Variants in AGK observed in about 807,000 individuals in gnomAD.
AGK encodes acylglycerol kinase, also known as acylglycerol kinase, mitochondrial.
Under a neutral mutation model 66.4 loss-of-function variants are expected in AGK, and 52 were observed. The observed-to-expected ratio is 0.78, with a 90% confidence interval of 0.63 to 0.99. The LOEUF (loss-of-function observed/expected upper bound fraction) is 0.99, where lower values mean the gene tolerates loss of function less well. Ranked by LOEUF, AGK falls within the 50% of genes least tolerant of loss-of-function variation. The pLI is 0.00. For missense variants in AGK, 451 were observed against 506.6 expected (o/e 0.89, Z 1.05); for synonymous variants, 182 against 181.1 (o/e 1.00, Z -0.04).
chr7:141,576,130 A>G (rs1340750639), intron 2 of AGK, among the ~76,000 whole-genome samples: 4 of 152,178 alleles, frequency 2.6e-5, no homozygotes, highest in Non-Finnish European at 4.4e-5. Context: ...AACTAAAGAA[A>G]TTCATTCAGA....
At chr7:141,561,440 A>G (rs1268211839) in intron 2 of AGK, among the ~76,000 whole-genome samples, 1 of 151,672 alleles carries the variant, frequency 6.6e-6, no homozygotes. Flanking sequence ...GTTATTTTTT[A>G]ATTTTTTAAT....
chr7:141,634,624 G>A (rs1487389039), intron 10 of AGK, among the ~76,000 whole-genome samples: 6 of 152,192 alleles, frequency 3.9e-5, no homozygotes, highest in African/African-American at 1.4e-4. Context: ...ATTTGCTGTG[G>A]AGAGGTAAAG....
intron 4 of AGK, among the ~76,000 whole-genome samples, chr7:141,597,615 A>T (rs1375678117): frequency 6.6e-6 from 1 of 152,134 alleles, no homozygotes; most frequent in African/African-American, 2.4e-5. Context: ...TCACGCCTGT[A>T]ATCGCAGCAC....
chr7:141,608,384 C>G (rs1796508528), intron 5 of AGK, among the ~76,000 whole-genome samples: 1 of 152,064 alleles, frequency 6.6e-6, no homozygotes, highest in Non-Finnish European at 1.5e-5. Flanking sequence ...GAAGAAGTAT[C>G]ACAGTATCAC....
chr7:141,612,377 A>C (rs549765042), intron 6 of AGK, among the ~76,000 whole-genome samples: 1 of 152,202 alleles, frequency 6.6e-6, no homozygotes, highest in Non-Finnish European at 1.5e-5. Flanking sequence ...ATTCATTATG[A>C]TACTGTAAGG....
chr7:141,591,610 T>G lies in AGK; in HGVS notation c.102-1536T>G, dbSNP rs115798088. ...TGTCAAATCACCCAGAAGAGCCTGT[T>G]GCCTTTTGAATTCCTGTGAAAATGC... On this transcript the variant is annotated intron_variant, in intron 2 of 15. Transcript: ENST00000649286. 5.2e-3 allele frequency among the ~76,000 whole-genome samples: 785 copies of G among 152,342 alleles called. 9 individuals carry two copies. The highest frequency in any genetic ancestry group is 0.018 in the African/African-American group (746 of 41,580).
intron 5 of AGK, among the ~76,000 whole-genome samples, chr7:141,603,991 C>T (rs560766813): frequency 6.6e-6 from 1 of 152,126 alleles, no homozygotes; most frequent in South Asian, 2.1e-4. Context: ...CCATCTTATA[C>T]TATCAAATGT....
At chr7:141,642,730 G>A (rs983529298) in intron 13 of AGK, among the ~76,000 whole-genome samples, 3 of 152,170 alleles carry the variant, frequency 2.0e-5, no homozygotes, top group South Asian at 2.1e-4. Flanking sequence ...AGAAAAATAC[G>A]TAAAGTTCAA....
chr7:141,562,141 T>C (rs1200937929), intron 2 of AGK: 1 of 454,954 alleles, frequency 2.2e-6, no homozygotes, highest in Non-Finnish European at 4.4e-6. Context: ...TGAATGCTGG[T>C]TATGCAAGCG....
intron 2 of AGK, among the ~76,000 whole-genome samples, chr7:141,570,849 A>AGG (rs1795590559): frequency 2.0e-5 from 3 of 152,054 alleles, no homozygotes; most frequent in Non-Finnish European, 4.4e-5. Flanking sequence ...TTTACTGTAC[A>AGG]TTTTGTTCAA....
intron 8 of AGK, among the ~76,000 whole-genome samples, chr7:141,616,828 G>A (rs1006176516): frequency 6.7e-6 from 1 of 149,660 alleles, no homozygotes; most frequent in African/African-American, 2.5e-5. Flanking sequence ...GCGCGAACTC[G>A]GCTCACTGCA....
Position 141,615,057 on chromosome 7 carries a change from T to C in AGK, c.424-414T>C, listed in dbSNP as rs151086183. Reference sequence around the variant, plus strand: ...CCTTATTTGTACTTAAGATAGTTTATAAAGCACCTTCACCTGTCATTGGTC... The same window carrying C: ...CCTTATTTGTACTTAAGATAGTTTACAAAGCACCTTCACCTGTCATTGGTC... On this transcript the variant is annotated intron_variant, in intron 7 of 15. Transcript: ENST00000649286. Among the ~76,000 whole-genome samples, 563 of 152,340 alleles carry C rather than the reference T, an allele frequency of 3.7e-3. 10 individuals are homozygous for C. In the Middle Eastern group the frequency reaches 0.051, roughly 14 times the overall value.
rs944011965 is a variant in AGK, at chr7:141,654,077, C to T, written c.*1153C>T. The T allele has an allele frequency of 4.6e-5, 7 of 151,922 alleles. No individual in the cohort carries two copies. Among genetic ancestry groups the T allele is most frequent in the South Asian group, 2.1e-4 (1 of 4,808 alleles). 9.4% of individuals were successfully genotyped at this position (151,922 alleles called of 1,614,324 possible). Reference sequence around the variant, plus strand: ...CTATCATAATGTAATCTATTATGCCCGACATCTTTTAATCATTCACCCCAT... The same window carrying T: ...CTATCATAATGTAATCTATTATGCCTGACATCTTTTAATCATTCACCCCAT... On this transcript the variant is annotated 3_prime_UTR_variant, in exon 16 of 16. Transcript: ENST00000649286.
chr7:141,603,346 T>C lies in AGK; in HGVS notation c.297+2066T>C, dbSNP rs78291832. Among the ~76,000 whole-genome samples, 19 of 152,344 alleles carry C rather than the reference T, an allele frequency of 1.2e-4. No individual in the cohort carries two copies. The East Asian group carries it at 2.9e-3, about 23-fold the overall frequency. ...TTAGATGCACTAAAGTTTCAGATTA[T>C]TTCATTTTTCTTACATTTCGACCCT... On this transcript the variant is annotated intron_variant, in intron 5 of 15. Coordinates refer to ENST00000649286, the MANE Select transcript of AGK (RefSeq NM_018238.4).
chr7:141,647,396 CCT>C (rs1481364482), intron 13 of AGK, among the ~76,000 whole-genome samples: 3 of 152,212 alleles, frequency 2.0e-5, no homozygotes, highest in African/African-American at 2.4e-5. Flanking sequence ...ACTTGTTGCC[CCT>C]GTCATTCGCT....
rs2116927414 is a variant in AGK at position 141,596,644 on chromosome 7, A to G, written c.221+3A>G. ...CTCAATCCTGCAGCTTGCAAAGGGT[A>G]GTTCCGTTTGTGACTTGTTATATAC... On this transcript the variant is annotated splice_donor_region_variant and intron_variant, in intron 4 of 15. Transcript: ENST00000649286. 3.1e-6 allele frequency: 5 copies of G among 1,613,488 alleles called. No individual in the cohort carries two copies. The highest frequency in any genetic ancestry group is 4.2e-6 in the Non-Finnish European group (5 of 1,179,438).
At chr7:141,628,524 C>G (rs1248686360) in intron 9 of AGK, among the ~76,000 whole-genome samples, 1 of 152,048 alleles carries the variant, frequency 6.6e-6, no homozygotes, top group Non-Finnish European at 1.5e-5. Flanking sequence ...ACAATCCAAC[C>G]CTATTAAACA....
At chr7:141,616,897 AC>A (rs1296872079) in intron 8 of AGK, among the ~76,000 whole-genome samples, 2 of 151,760 alleles carry the variant, frequency 1.3e-5, no homozygotes, top group Non-Finnish European at 2.9e-5. Context: ...AGCTGGGACT[AC>A]AGGCGCCCGC....
chr7:141,651,810 G>A (rs1241993282), intron 15 of AGK, among the ~76,000 whole-genome samples: 1 of 152,204 alleles, frequency 6.6e-6, no homozygotes, highest in Non-Finnish European at 1.5e-5. Flanking sequence ...CATGGATTTA[G>A]AGTTGGACTT....
Sources: gnomAD v4.1 joint callset for allele counts (sites outside exome capture counted in the v4.1 genomes callset) on GRCh38, gnomAD v4.1.1 for gene constraint, MANE v1.5 for transcripts, NCBI Gene and HGNC (gene_info 2026-07-23, HGNC 2026-07-21) for gene names.